Variants in RALYL observed in about 807,000 individuals in gnomAD.
RALYL encodes the protein RALY RNA binding protein like, also known as RNA-binding Raly-like protein.
RALYL carries 29 observed loss-of-function variants against 35.1 expected under a neutral mutation model. The ratio of observed to expected loss-of-function variants is 0.83; its 90% CI spans 0.61 to 1.13. The LOEUF (loss-of-function observed/expected upper bound fraction) is 1.13, where lower values mean the gene tolerates loss of function less well. RALYL is among the 50% of genes most tolerant of loss of function. RALYL has a pLI of 0.00. For missense variants in RALYL, 359 were observed against 360.4 expected, an observed-to-expected ratio of 1.00 and a Z score of 0.03; for synonymous variants, 120 against 127.6, an observed-to-expected ratio of 0.94 and a Z score of 0.40.
chr8:84,552,773 G>A (rs953675152), intron 2 of RALYL, among the ~76,000 whole-genome samples: 5 of 151,388 alleles, frequency 3.3e-5, no homozygotes, highest in African/African-American at 9.7e-5. Context: ...ATAATGAAGT[G>A]CATGTTCATG....
At chr8:84,471,141 T>C (rs1048705922) in intron 1 of RALYL, among the ~76,000 whole-genome samples, 5 of 152,256 alleles carry the variant, frequency 3.3e-5, no homozygotes, top group African/African-American at 1.2e-4. Flanking sequence ...GTTGATTTTC[T>C]AATTTCTTGG....
intron 2 of RALYL, chr8:84,705,990 C>A: frequency 6.5e-7 from 1 of 1,534,640 alleles, no homozygotes. Context: ...GTGGTCAAAT[C>A]AATTACTTCT....
At chr8:84,727,969 C>T (rs184550783) in intron 2 of RALYL, among the ~76,000 whole-genome samples, 4 of 151,772 alleles carry the variant, frequency 2.6e-5, no homozygotes, top group South Asian at 2.1e-4. Flanking sequence ...CATGATTTAT[C>T]GTCCTTTGGG....
At chr8:84,887,564 C>A in intron 7 of RALYL, 40 bp from the exon 8 acceptor site, 1 of 1,541,836 alleles carries the variant, frequency 6.5e-7, no homozygotes, top group Non-Finnish European at 8.7e-7. Flanking sequence ...GGCTCATGAG[C>A]AACCCAAGGT....
chr8:84,485,475 G>A (rs898831089), intron 1 of RALYL, among the ~76,000 whole-genome samples: 9 of 152,202 alleles, frequency 5.9e-5, no homozygotes, highest in Middle Eastern at 3.4e-3. Context: ...AAATACTCAG[G>A]AGGCTGAGAC....
Position 84,716,980 on chromosome 8 carries a change from AG to A in RALYL, c.257-57598del, listed in dbSNP as rs547600583. On this transcript the variant is annotated intron_variant, in intron 2 of 8. Coordinates refer to ENST00000521268, the MANE Select transcript of RALYL (RefSeq NM_173848.7). ...AAGGCGGGCAGATCACGAGATCAGA[AG>A]TTTGAGACCAGCTTGACCAACATGG... 3.7e-3 allele frequency among the ~76,000 whole-genome samples: 566 copies of A among 152,270 alleles called. 1 individual carries two copies. Among genetic ancestry groups the A allele is most frequent in the Non-Finnish European group, 5.3e-3 (358 of 68,012 alleles).
intron 2 of RALYL, among the ~76,000 whole-genome samples, chr8:84,646,098 G>A (rs1042514803): frequency 2.0e-5 from 3 of 151,650 alleles, no homozygotes; most frequent in Non-Finnish European, 2.9e-5. Context: ...TTAGTGAAAG[G>A]CTCCAGATAT....
chr8:84,808,379 C>T (rs1249262649), intron 4 of RALYL, among the ~76,000 whole-genome samples: 1 of 152,086 alleles, frequency 6.6e-6, no homozygotes, highest in Non-Finnish European at 1.5e-5. Flanking sequence ...ATTTTTATAC[C>T]AGTACCACAC....
chr8:84,521,748 C>A (rs2058474456), intron 1 of RALYL, among the ~76,000 whole-genome samples: 1 of 152,132 alleles, frequency 6.6e-6, no homozygotes, highest in East Asian at 1.9e-4. Flanking sequence ...TACCAATATC[C>A]ATTGATTTCC....
At chr8:84,622,393 A>T (rs1352434089) in intron 2 of RALYL, among the ~76,000 whole-genome samples, 2 of 152,242 alleles carry the variant, frequency 1.3e-5, no homozygotes, top group Non-Finnish European at 2.9e-5. Flanking sequence ...TCAGCCTCAG[A>T]TATGAGCATC....
chr8:84,801,907 G>C (rs879941160), intron 3 of RALYL, among the ~76,000 whole-genome samples: 2 of 152,176 alleles, frequency 1.3e-5, no homozygotes, highest in Non-Finnish European at 2.9e-5. Context: ...TGGTGATGTA[G>C]AGAAGGAATT....
chr8:84,770,079 C>T (rs1340884580), intron 2 of RALYL, among the ~76,000 whole-genome samples: 2 of 151,902 alleles, frequency 1.3e-5, no homozygotes, highest in South Asian at 2.1e-4. Context: ...TAGGTTTTGG[C>T]GAACAGGTGG....
chr8:84,518,952 CAGAG>C (rs1350562941), intron 1 of RALYL, among the ~76,000 whole-genome samples: 1 of 152,108 alleles, frequency 6.6e-6, no homozygotes, highest in Non-Finnish European at 1.5e-5. Context: ...CTCTTTGTGA[CAGAG>C]AGTTTTAAAA....
chr8:84,586,735 A>G (rs567984595), intron 2 of RALYL, among the ~76,000 whole-genome samples: 1 of 152,290 alleles, frequency 6.6e-6, no homozygotes, highest in East Asian at 1.9e-4. Context: ...ATATATTCCT[A>G]GGGTTAAAGG....
chr8:84,207,032 G>T (rs1213744137), intron 1 of RALYL, among the ~76,000 whole-genome samples: 1 of 152,134 alleles, frequency 6.6e-6, no homozygotes, highest in Admixed American at 6.6e-5. Context: ...GCTGGCCAGA[G>T]TGTGGAGAAA....
chr8:84,291,799 A>G (rs2132236093), intron 1 of RALYL, among the ~76,000 whole-genome samples: 1 of 151,846 alleles, frequency 6.6e-6, no homozygotes, highest in East Asian at 1.9e-4. Flanking sequence ...AGCCTCAATG[A>G]AGATAATTAA....
At chr8:84,902,066 T>TG (rs1265477918) in intron 8 of RALYL, among the ~76,000 whole-genome samples, 3 of 152,156 alleles carry the variant, frequency 2.0e-5, no homozygotes, top group East Asian at 3.9e-4. Flanking sequence ...CTCACAATCT[T>TG]GGAGATGTGT....
At chr8:84,596,648 G>A (rs1195805859) in intron 2 of RALYL, among the ~76,000 whole-genome samples, 2 of 152,126 alleles carry the variant, frequency 1.3e-5, no homozygotes, top group Non-Finnish European at 2.9e-5. Flanking sequence ...CTGCAGAAGT[G>A]AGTTACTTTT....
chr8:84,375,207 G>T (rs928718364), intron 1 of RALYL, among the ~76,000 whole-genome samples: 9 of 151,634 alleles, frequency 5.9e-5, no homozygotes, highest in Non-Finnish European at 1.2e-4. Flanking sequence ...ATATATTTAG[G>T]TTATTTTCTG....
Sources: gnomAD v4.1 joint callset for allele counts (sites outside exome capture counted in the v4.1 genomes callset) on GRCh38, gnomAD v4.1.1 for gene constraint, MANE v1.5 for transcripts, NCBI Gene and HGNC (gene_info 2026-07-23, HGNC 2026-07-21) for gene names.